ABCA9: variants seen among roughly 807,000 people sequenced by gnomAD.
ABCA9 encodes ATP binding cassette subfamily A member 9, also known as ATP-binding cassette sub-family A member 9.
Under a neutral mutation model 205.3 loss-of-function variants are expected in ABCA9, and 183 were observed. The observed-to-expected ratio is 0.89, with a 90% CI of 0.79 to 1.01. The LOEUF is 1.01. Among genes scored for constraint, ABCA9 ranks in the 50% least tolerant of loss-of-function variants. The pLI is 0.00. For synonymous variants in ABCA9, 651 were observed against 683.3 expected, an observed-to-expected ratio of 0.95 and a Z score of 0.74; for missense variants, 1,805 against 1,912.4, an observed-to-expected ratio of 0.94 and a Z score of 1.05.
At chr17:68,988,166 C>A (rs1263575643) in intron 31 of ABCA9, among the ~76,000 whole-genome samples, 1 of 152,170 alleles carries the variant, frequency 6.6e-6, no homozygotes, top group East Asian at 1.9e-4. Context: ...GTGCGACCTT[C>A]CTTCATAAAC....
intron 6 of ABCA9, among the ~76,000 whole-genome samples, chr17:69,036,870 G>GAAAAAAAAAAAAAAAAAAAAAAAA (rs1567963217): frequency 4.0e-4 from 1 of 2,488 alleles, no homozygotes; most frequent in African/African-American, 1.6e-3. Flanking sequence ...TAAATGGAAA[G>GAAAAAAAAAAAAAAAAAAAAAAAA]CAAAAAAAAA....
At chr17:69,040,584 T>C (rs928102535) in intron 6 of ABCA9, among the ~76,000 whole-genome samples, 2 of 152,068 alleles carry the variant, frequency 1.3e-5, no homozygotes, top group African/African-American at 4.8e-5. Flanking sequence ...GAGATAGCAT[T>C]AGGAGAAATA....
In ABCA9 at chr17:68,986,944, CT is replaced by C. The variant is rs529462448; in HGVS notation, c.4048-621del. Among the ~76,000 whole-genome samples, 49 of 152,250 alleles carry C rather than the reference CT, an allele frequency of 3.2e-4. 1 individual carries two copies. The highest frequency in any genetic ancestry group is 1.2e-3 in the African/African-American group (48 of 41,558). On this transcript the variant is annotated intron_variant, in intron 31 of 38. Coordinates refer to ENST00000340001, the MANE Select transcript of ABCA9 (RefSeq NM_080283.4). The stretch of plus-strand genomic sequence containing the variant: ...TCTGAACTAAGAAATAAACAAAAAA[CT>C]TTTAGCACTGTATCTAGCCCGTAGG...
intron 3 of ABCA9, among the ~76,000 whole-genome samples, chr17:69,048,873 T>A (rs371319006): frequency 1.3e-5 from 2 of 152,162 alleles, no homozygotes; most frequent in African/African-American, 4.8e-5. Context: ...CACCCACATA[T>A]ATACTTTGTG....
At position 68,982,598 on chromosome 17, in the gene ABCA9, G is replaced by A. The variant is rs375962547; in HGVS notation, c.4684C>T (p.Arg1562Ter). 5.6e-5 allele frequency: 91 copies of A among 1,613,922 alleles called. No homozygotes were observed. Among genetic ancestry groups the A allele is most frequent in the South Asian group, 4.6e-4 (42 of 91,068 alleles). The stretch of plus-strand genomic sequence containing the variant: ...TTGAAGAAAGCCTGTGATAAAGGTC[G>A]CACATCCTCAACAGGCAACTTATAG... Reference protein sequence around the residue: ...MVYKLPVEDVRPLSQAFFKLE... With the variant: ...MVYKLPVEDV The change falls in exon 37 of 39, where the codon CGA becomes TGA. Residue 1562 changes from arginine to a stop codon, truncating the protein, a stop_gained. Transcript: ENST00000340001. LOFTEE classifies it high-confidence loss of function.
chr17:68,987,122 C>G (rs892623493), intron 31 of ABCA9, among the ~76,000 whole-genome samples: 4 of 152,184 alleles, frequency 2.6e-5, no homozygotes, highest in African/African-American at 9.7e-5. Context: ...CCTTACAGAA[C>G]CCCTGTATGT....
the ABCA9 span, among the ~76,000 whole-genome samples, chr17:69,071,807 G>A: frequency 6.6e-6 from 1 of 152,140 alleles, no homozygotes; most frequent in South Asian, 2.1e-4. Flanking sequence ...TGAGCTAAAG[G>A]AGCATGTTCT....
intron 23 of ABCA9, among the ~76,000 whole-genome samples, chr17:69,011,567 T>TA: frequency 6.6e-6 from 1 of 152,170 alleles, no homozygotes; most frequent in South Asian, 2.1e-4. Context: ...AATGGAGCTT[T>TA]AAATGGACAA....
At chr17:69,000,982 C>G (rs1027745344) in intron 25 of ABCA9, among the ~76,000 whole-genome samples, 1 of 151,750 alleles carries the variant, frequency 6.6e-6, no homozygotes, top group African/African-American at 2.4e-5. Context: ...TATCCTGAGA[C>G]TTTGCTGAAG....
intron 1 of ABCA9, among the ~76,000 whole-genome samples, chr17:69,058,955 G>A (rs2072152462): frequency 6.6e-6 from 1 of 152,154 alleles, no homozygotes; most frequent in Non-Finnish European, 1.5e-5. Flanking sequence ...CAAATAAGGA[G>A]CAAAGTCACG....
chr17:69,068,224 A>G, the ABCA9 span, among the ~76,000 whole-genome samples: 2 of 152,226 alleles, frequency 1.3e-5, no homozygotes, highest in Non-Finnish European at 2.9e-5. Context: ...TACAATCATT[A>G]TTCCTCTGAG....
chr17:69,071,303 A>G, the ABCA9 span, among the ~76,000 whole-genome samples: 9 of 152,158 alleles, frequency 5.9e-5, no homozygotes, highest in Middle Eastern at 3.4e-3. Context: ...CAGAGAGACA[A>G]CTCCCAGCAG....
At position 68,984,250 on chromosome 17, in the gene ABCA9, A is replaced by T. The variant is rs367752641; in HGVS notation, c.4380-75T>A. 2.3e-4 allele frequency: 360 copies of T among 1,571,288 alleles called. No individual in the cohort carries two copies. The African/African-American group carries it at 4.1e-3, about 18-fold the overall frequency. ...TTTGGAATTTTAAAAAGAAGTTTCC[A>T]TCGACGCAAAGATGAAACATGCAGC... On this transcript the variant is annotated intron_variant, in intron 34 of 38. Coordinates refer to ENST00000340001, the MANE Select transcript of ABCA9 (RefSeq NM_080283.4).
At position 69,033,816 on chromosome 17, in the gene ABCA9, G is replaced by A. The variant is rs759048959; in HGVS notation, c.1186C>T (p.Pro396Ser). The A allele has an allele frequency of 2.2e-5, 35 of 1,608,366 alleles. 1 individual carries two copies. In the South Asian group the frequency reaches 3.9e-4, roughly 18 times the overall value. Reference protein sequence around the residue: ...SNAHLDSSQNPYLIIATLFML... With the variant: ...SNAHLDSSQNSYLIIATLFML... ...AAAAGAGTAGCTATTATGAGGTATGGATTTTGTGAAGAATCCAAGTGGGCA... is the reference window on the plus strand; with the variant it reads ...AAAAGAGTAGCTATTATGAGGTATGAATTTTGTGAAGAATCCAAGTGGGCA... The change falls in exon 9 of 39, where the codon CCA (proline) becomes TCA (serine). Residue 396 changes from proline (P) to serine (S), a missense_variant. Physicochemically the swap from Pro to Ser is moderately conservative, Grantham distance 74. Coordinates refer to ENST00000340001, the MANE Select transcript of ABCA9 (RefSeq NM_080283.4).
upstream of ABCA9, among the ~76,000 whole-genome samples, chr17:69,065,762 A>T (rs2072341873): frequency 6.6e-6 from 1 of 152,014 alleles, no homozygotes; most frequent in Non-Finnish European, 1.5e-5. Context: ...CCCCCGGCAA[A>T]TCTCGTCTTA....
At chr17:69,041,718 A>G (rs1180473821) in intron 6 of ABCA9, among the ~76,000 whole-genome samples, 1 of 67,458 alleles carries the variant, frequency 1.5e-5, no homozygotes, top group Non-Finnish European at 3.4e-5. Context: ...AAATAAAAAA[A>G]AAGAAAGAAA....
chr17:68,995,094 G>A (rs1408854781), intron 26 of ABCA9, among the ~76,000 whole-genome samples: 2 of 152,108 alleles, frequency 1.3e-5, no homozygotes, highest in African/African-American at 2.4e-5. Context: ...CACCAATGAC[G>A]TTCGTGTAGT....
intron 1 of ABCA9, among the ~76,000 whole-genome samples, chr17:69,054,038 C>T (rs1232557531): frequency 1.3e-5 from 2 of 152,070 alleles, no homozygotes; most frequent in Non-Finnish European, 2.9e-5. Flanking sequence ...ATTTAATGTG[C>T]TCAGAGAATA....
chr17:69,006,730 A>T (rs1316944764), intron 25 of ABCA9, among the ~76,000 whole-genome samples: 1 of 152,184 alleles, frequency 6.6e-6, no homozygotes, highest in Non-Finnish European at 1.5e-5. Context: ...GCTCAAAAAA[A>T]CTACCAGACA....
Sources: gnomAD v4.1 joint callset for allele counts (sites outside exome capture counted in the v4.1 genomes callset) on GRCh38, gnomAD v4.1.1 for gene constraint, MANE v1.5 for transcripts, NCBI Gene and HGNC (gene_info 2026-07-23, HGNC 2026-07-21) for gene names.